Variants in ZCCHC14 observed in about 807,000 individuals in gnomAD.
The protein encoded by ZCCHC14 is zinc finger CCHC-type containing 14, also known as zinc finger CCHC domain-containing protein 14.
A neutral mutation model predicts 85.0 loss-of-function variants in ZCCHC14; 16 were observed. The ratio of observed to expected loss-of-function variants is 0.19; its 90% CI spans 0.13 to 0.29. The LOEUF (loss-of-function observed/expected upper bound fraction) is 0.29, where lower values mean the gene tolerates loss of function less well. ZCCHC14 is among the 10% of genes least tolerant of loss of function. The pLI is 1.00. For missense variants in ZCCHC14, 1,303 were observed against 1,443.5 expected (o/e 0.90, Z 1.58); for synonymous variants, 775 against 630.7 (o/e 1.23, Z -3.43).
At chr16:87,451,785 GGAA>G (rs1961674873) in intron 2 of ZCCHC14, among the ~76,000 whole-genome samples, 2 of 152,230 alleles carry the variant, frequency 1.3e-5, no homozygotes, top group Admixed American at 6.5e-5. Context: ...ATACAGGGAA[GGAA>G]GAAGGTCACA....
At chr16:87,430,990 A>C (rs992696741) in intron 3 of ZCCHC14, among the ~76,000 whole-genome samples, 2 of 152,020 alleles carry the variant, frequency 1.3e-5, no homozygotes, top group African/African-American at 4.8e-5. Flanking sequence ...AGTACAAAAA[A>C]TTAGCTGGGT....
chr16:87,483,275 T>C (rs1032938069), intron 1 of ZCCHC14, among the ~76,000 whole-genome samples: 3 of 118,472 alleles, frequency 2.5e-5, no homozygotes, highest in African/African-American at 6.7e-5. Flanking sequence ...CTGGTCAACA[T>C]GGTGAAACCC....
At chr16:87,460,499 G>A (rs1205408097) in intron 1 of ZCCHC14, among the ~76,000 whole-genome samples, 1 of 152,164 alleles carries the variant, frequency 6.6e-6, no homozygotes, top group African/African-American at 2.4e-5. Flanking sequence ...AGACCAGCCT[G>A]GCCAACATGG....
chr16:87,429,608 C>T (rs1909549115), intron 3 of ZCCHC14, among the ~76,000 whole-genome samples: 1 of 152,124 alleles, frequency 6.6e-6, no homozygotes, highest in Admixed American at 6.5e-5. Flanking sequence ...GAAGGAGACA[C>T]TATCTCTTTT....
intron 2 of ZCCHC14, among the ~76,000 whole-genome samples, chr16:87,442,090 G>C (rs775376848): frequency 1.2e-4 from 18 of 152,256 alleles, no homozygotes; most frequent in Admixed American, 3.9e-4. Flanking sequence ...ATAGCAGAGA[G>C]GGAAGATTTC....
rs1048441570 is a variant in ZCCHC14 at position 87,420,526 on chromosome 16, T to A, written c.950+81A>T. On this transcript the variant is annotated intron_variant, in intron 5 of 12. Coordinates refer to ENST00000671377, the MANE Select transcript of ZCCHC14 (RefSeq NM_015144.3). The surrounding 1 kb of genome is among the most constrained non-coding windows in gnomAD (Gnocchi z 5.0). ...TGACCGCGCATCCTCCCAGAGCTCC[T>A]TGGAGGACCACAGCATTGACCACAG... 1 of 1,196,042 alleles carries A rather than the reference T, an allele frequency of 8.4e-7. No individual in the cohort carries two copies. The highest frequency in any genetic ancestry group is 1.5e-5 in the African/African-American group (1 of 65,182). 74.1% of individuals were successfully genotyped at this position (1,196,042 alleles called of 1,614,324 possible).
chr16:87,448,323 A>T (rs1360895352), intron 2 of ZCCHC14, among the ~76,000 whole-genome samples: 1 of 152,184 alleles, frequency 6.6e-6, no homozygotes, highest in Non-Finnish European at 1.5e-5. Context: ...TCACAGGTGA[A>T]ATCTGTTTTG....
At chr16:87,416,522 C>A (rs1908789606) in intron 8 of ZCCHC14, among the ~76,000 whole-genome samples, 2 of 151,944 alleles carry the variant, frequency 1.3e-5, no homozygotes, top group Non-Finnish European at 2.9e-5. Context: ...CTTTGGGAGA[C>A]CGAGGTGGGC....
chr16:87,444,082 C>T (rs1192546141), intron 2 of ZCCHC14, among the ~76,000 whole-genome samples: 1 of 145,990 alleles, frequency 6.8e-6, no homozygotes, highest in Non-Finnish European at 1.5e-5. Flanking sequence ...AGGAAAAACA[C>T]AGAAACGGCC....
intron 1 of ZCCHC14, among the ~76,000 whole-genome samples, chr16:87,476,289 G>C (rs1450527232): frequency 6.6e-6 from 1 of 152,096 alleles, no homozygotes; most frequent in African/African-American, 2.4e-5. Context: ...CACCAAAATG[G>C]TAAATAGACC....
At chr16:87,419,611 T>C (rs1236008163) in intron 6 of ZCCHC14, among the ~76,000 whole-genome samples, 172 bp downstream of exon 6, 2 of 152,196 alleles carry the variant, frequency 1.3e-5, no homozygotes, top group Non-Finnish European at 2.9e-5. Flanking sequence ...TAATTTTGTA[T>C]TTTTAGTAGA....
intron 2 of ZCCHC14, among the ~76,000 whole-genome samples, chr16:87,459,024 A>G (rs572277855): frequency 1.3e-5 from 2 of 152,242 alleles, no homozygotes; most frequent in African/African-American, 4.8e-5. Flanking sequence ...CAAAGCCTCC[A>G]CTACTATGGC....
chr16:87,446,738 G>A (rs1051263286), intron 2 of ZCCHC14, among the ~76,000 whole-genome samples: 5 of 151,930 alleles, frequency 3.3e-5, no homozygotes, highest in Admixed American at 2.6e-4. Flanking sequence ...CACCCAGGCT[G>A]GAGTGCAGTG....
rs564806811 is a variant in ZCCHC14 at position 87,434,429 on chromosome 16, G to A, written c.695-1228C>T. Among the ~76,000 whole-genome samples the A allele has an allele frequency of 1.2e-4, 19 of 152,354 alleles. No individual in the cohort carries two copies. In the South Asian group the frequency reaches 2.9e-3, roughly 23 times the overall value. On this transcript the variant is annotated intron_variant, in intron 2 of 12. Coordinates refer to ENST00000671377, the MANE Select transcript of ZCCHC14 (RefSeq NM_015144.3). ...TACACATAACTGGGAAAGAGGCTAC[G>A]GGAGCATTCTCCCTCCTTCCTCCAC...
At chr16:87,432,846 C>G (rs1304910637) in intron 3 of ZCCHC14, among the ~76,000 whole-genome samples, 1 of 152,198 alleles carries the variant, frequency 6.6e-6, no homozygotes, top group Non-Finnish European at 1.5e-5. Context: ...GCTGCCTCAT[C>G]CAGTTCTGCT....
rs1278860096 is a variant in ZCCHC14, at chr16:87,412,497, C to T, written c.2224G>A (p.Val742Met). 1.9e-6 allele frequency: 3 copies of T among 1,613,980 alleles called. No individual in the cohort carries two copies. The highest frequency in any genetic ancestry group is 2.5e-6 in the Non-Finnish European group (3 of 1,180,020). The change falls in exon 12 of 13, where the codon GTG (valine) becomes ATG (methionine). Residue 742 changes from valine (V) to methionine (M), a missense_variant. Around this residue, in one of 7 missense-constraint regions of ZCCHC14, gnomAD observed 797 missense variants for 730.8 expected, o/e 1.09. Transcript: ENST00000671377. ...GCCGGTTGCTGTGCTGTCTTCAGCA[C>T]CCTGTCCAGCGTGGATGCATGCACG... Reference protein sequence around the residue: ...KVVHASTLDRVLKTAQQPALV... With the variant: ...KVVHASTLDRMLKTAQQPALV...
intron 3 of ZCCHC14, among the ~76,000 whole-genome samples, chr16:87,426,675 C>A (rs1909387914): frequency 6.6e-6 from 1 of 152,234 alleles, no homozygotes; most frequent in Non-Finnish European, 1.5e-5. Context: ...CTCAGCCACA[C>A]CCCTAAGGGG....
chr16:87,443,203 C>T (rs1230081324), intron 2 of ZCCHC14, among the ~76,000 whole-genome samples: 3 of 152,190 alleles, frequency 2.0e-5, no homozygotes, highest in South Asian at 2.1e-4. Flanking sequence ...CAACTGTGAC[C>T]GGAAGGGCAG....
At position 87,411,859 on chromosome 16, in the gene ZCCHC14, C is replaced by A; in HGVS notation, c.2862G>T (p.Pro954=). ...ANYFQHPFSG[P]SVFTFPFLPF... ...GCAAGAAGGGGAAGGTGAACACGGA[C>A]GGACCGGAGAACGGGTGCTGGAAGT... is the stretch of plus-strand genomic sequence containing the variant. Residue 954 remains proline (P), a synonymous_variant, in exon 12 of 13, where the codon CCG becomes CCT. Transcript: ENST00000671377. 6.2e-7 allele frequency: 1 copy of A among 1,607,510 alleles called. No individual in the cohort carries two copies. The highest frequency in any genetic ancestry group is 8.5e-7 in the Non-Finnish European group (1 of 1,177,464).
Sources: gnomAD v4.1 joint callset for allele counts (sites outside exome capture counted in the v4.1 genomes callset) on GRCh38, gnomAD v4.1.1 for gene constraint, gnomAD v4.1.1 regional missense constraint, Gnocchi (gnomAD v3.1) non-coding constraint, MANE v1.5 for transcripts, NCBI Gene and HGNC (gene_info 2026-07-23, HGNC 2026-07-21) for gene names.